PSD2: variants seen among roughly 807,000 people sequenced by gnomAD.
The protein encoded by PSD2 is pleckstrin and Sec7 domain containing 2.
Under a neutral mutation model 69.8 loss-of-function variants are expected in PSD2, and 38 were observed. The observed-to-expected ratio is 0.54, with a 90% confidence interval of 0.42 to 0.71. PSD2 has a LOEUF of 0.71. Among genes scored for constraint, PSD2 ranks in the 30% least tolerant of loss-of-function variants. PSD2 has a pLI of 0.00. For missense variants in PSD2, 943 were observed against 1,014.5 expected, an observed-to-expected ratio of 0.93 and a Z score of 0.96; for synonymous variants, 412 against 423.0, an observed-to-expected ratio of 0.97 and a Z score of 0.32.
chr5:139,813,412 G>T lies in PSD2; in HGVS notation c.475G>T (p.Asp159Tyr), dbSNP rs888462721. The T allele has an allele frequency of 9.9e-6, 16 of 1,613,634 alleles. No individual in the cohort carries two copies. Among genetic ancestry groups the T allele is most frequent in the African/African-American group, 1.3e-5 (1 of 75,046 alleles). ...LLRGTQYSSL[D>Y]SLDGLSLTDE... is the part of the protein sequence containing the mutation. ...GCGGGGCACCCAGTACAGCAGCCTC[G>T]ACTCCCTAGACGGGCTGAGCCTCAC... The change falls in exon 3 of 15, where the codon GAC becomes TAC. Residue 159 changes from aspartate (D) to tyrosine (Y), a missense_variant. By Grantham distance (160) the Asp-to-Tyr change is radical. Transcript: ENST00000274710.
chr5:139,835,813 G>A (rs1760701363), intron 9 of PSD2, 47 bp downstream of exon 9: 7 of 1,560,654 alleles, frequency 4.5e-6, no homozygotes, highest in African/African-American at 2.7e-5. Context: ...ACATCCCTGG[G>A]TGGGGGAGTG....
intron 7 of PSD2, among the ~76,000 whole-genome samples, chr5:139,829,298 T>A (rs1217158108): frequency 6.6e-6 from 1 of 152,256 alleles, no homozygotes; most frequent in African/African-American, 2.4e-5. Flanking sequence ...GGTGCCTATA[T>A]GTGTTGTAAA....
chr5:139,830,460 C>T (rs1048019233), intron 7 of PSD2, among the ~76,000 whole-genome samples: 4 of 150,694 alleles, frequency 2.7e-5, no homozygotes, highest in African/African-American at 9.8e-5. Flanking sequence ...AAGCAATCCT[C>T]TCACCTCAGT....
At chr5:139,797,944 C>G (rs1235724113) in intron 1 of PSD2, among the ~76,000 whole-genome samples, 1 of 152,202 alleles carries the variant, frequency 6.6e-6, no homozygotes, top group Non-Finnish European at 1.5e-5. Flanking sequence ...TTGGGAAAAA[C>G]AAGCACTAAG....
At chr5:139,755,450 T>C in the PSD2 span, among the ~76,000 whole-genome samples, 1 of 152,220 alleles carries the variant, frequency 6.6e-6, no homozygotes. Flanking sequence ...GGTCTCTATA[T>C]TGTTGCATGT....
At chr5:139,778,916 G>A in the PSD2 span, among the ~76,000 whole-genome samples, 4 of 140,072 alleles carry the variant, frequency 2.9e-5, no homozygotes, top group African/African-American at 1.1e-4. Flanking sequence ...GTGACAGAGC[G>A]AGCCAATGTC....
chr5:139,805,205 G>A (rs879318187), intron 1 of PSD2, among the ~76,000 whole-genome samples: 3 of 152,188 alleles, frequency 2.0e-5, no homozygotes, highest in Non-Finnish European at 4.4e-5. Context: ...TCCCTGGTGG[G>A]CCCCACCTCC....
At chr5:139,815,661 T>C (rs1188996297) in intron 4 of PSD2, among the ~76,000 whole-genome samples, 2 of 152,224 alleles carry the variant, frequency 1.3e-5, no homozygotes, top group African/African-American at 4.8e-5. Flanking sequence ...TCCACGAGAC[T>C]GGCCATTTCT....
At chr5:139,794,529 G>C (rs1333274833), upstream of PSD2, among the ~76,000 whole-genome samples, 1 of 152,174 alleles carries the variant, frequency 6.6e-6, no homozygotes, top group Non-Finnish European at 1.5e-5. Flanking sequence ...GTGGAAAGAA[G>C]GTCAGAGAAG....
At chr5:139,801,598 C>T (rs1759676449) in intron 1 of PSD2, among the ~76,000 whole-genome samples, 1 of 152,162 alleles carries the variant, frequency 6.6e-6, no homozygotes, top group African/African-American at 2.4e-5. Context: ...TCTCCCCCAT[C>T]TCCACTCCTC....
chr5:139,828,592 G>A (rs1019052070), intron 7 of PSD2, among the ~76,000 whole-genome samples: 5 of 152,188 alleles, frequency 3.3e-5, no homozygotes, highest in Admixed American at 1.3e-4. Flanking sequence ...ATAGTGGCAA[G>A]GGTTTTTCTG....
At chr5:139,810,566 C>T (rs955295397) in intron 2 of PSD2, among the ~76,000 whole-genome samples, 10 of 152,090 alleles carry the variant, frequency 6.6e-5, no homozygotes, top group South Asian at 2.1e-4. Flanking sequence ...GATGTGTGAA[C>T]GTGTTGGTAT....
At chr5:139,787,748 G>T in the PSD2 span, among the ~76,000 whole-genome samples, 591 of 152,340 alleles carry the variant, frequency 3.9e-3, 5 homozygotes, top group African/African-American at 0.014. Flanking sequence ...CCCGCTGCAC[G>T]GGGACCCGTG....
At chr5:139,841,979 T>G (rs1158035186) in intron 14 of PSD2, among the ~76,000 whole-genome samples, 9 of 152,244 alleles carry the variant, frequency 5.9e-5, no homozygotes, top group Admixed American at 3.9e-4. Context: ...TATCCTGTGA[T>G]GTACAGAAGT....
At chr5:139,746,443 T>G in the PSD2 span, among the ~76,000 whole-genome samples, 4 of 152,176 alleles carry the variant, frequency 2.6e-5, no homozygotes, top group African/African-American at 9.6e-5. The surrounding 1 kb of genome is among the most constrained non-coding windows in gnomAD (Gnocchi z 4.5). Context: ...CACCCGAGCC[T>G]TCTCCCTGCC....
chr5:139,768,142 C>T, the PSD2 span, among the ~76,000 whole-genome samples: 1 of 152,198 alleles, frequency 6.6e-6, no homozygotes, highest in Admixed American at 6.5e-5. Context: ...GGGCCTTGCC[C>T]CGGAACCTGG....
the PSD2 span, among the ~76,000 whole-genome samples, chr5:139,762,382 G>A: frequency 3.4e-5 from 5 of 146,890 alleles, no homozygotes; most frequent in African/African-American, 1.3e-4. Context: ...TTGCTCTGTT[G>A]CCCAGGCTGG....
At chr5:139,795,276 A>G (rs1759489856), upstream of PSD2, among the ~76,000 whole-genome samples, 3 of 151,768 alleles carry the variant, frequency 2.0e-5, no homozygotes, top group African/African-American at 7.3e-5. The surrounding 1 kb of genome is among the most constrained non-coding windows in gnomAD (Gnocchi z 4.5). Context: ...TCCCTCTCTG[A>G]GATTCTTCAC....
the PSD2 span, among the ~76,000 whole-genome samples, chr5:139,749,816 C>T: frequency 6.6e-6 from 1 of 150,966 alleles, no homozygotes; most frequent in Admixed American, 6.6e-5. Context: ...GGCAACATGA[C>T]AGAACACCAT....
Sources: gnomAD v4.1 joint callset for allele counts (sites outside exome capture counted in the v4.1 genomes callset) on GRCh38, gnomAD v4.1.1 for gene constraint, Gnocchi (gnomAD v3.1) non-coding constraint, MANE v1.5 for transcripts, NCBI Gene and HGNC (gene_info 2026-07-23, HGNC 2026-07-21) for gene names.